DLG1: variants seen among roughly 807,000 people sequenced by gnomAD.
DLG1 encodes discs large MAGUK scaffold protein 1.
In DLG1, 42 loss-of-function variants were observed where a neutral mutation model predicts 123.4. The ratio of observed to expected loss-of-function variants is 0.34; its 90% CI spans 0.27 to 0.44. The LOEUF is 0.44. Ranked by LOEUF, DLG1 falls within the 20% of genes least tolerant of loss-of-function variation. The pLI, the probability that DLG1 is intolerant of heterozygous loss-of-function variation, is 1.00. For synonymous variants in DLG1, 317 were observed against 356.2 expected (o/e 0.89, Z 1.24); for missense variants, 942 against 1,082.6 (o/e 0.87, Z 1.82).
rs528218958 is a variant in DLG1, at chr3:197,274,026, T to C, written c.318+8653A>G. ...ACTAATATTGTTAAAATGTCCATAC[T>C]AACCAAAGCAATATACAGATTCAAT... On this transcript the variant is annotated intron_variant, in intron 4 of 24. Coordinates refer to ENST00000667157, the MANE Select transcript of DLG1 (RefSeq NM_001366207.1). 3.3e-5 allele frequency among the ~76,000 whole-genome samples: 5 copies of C among 152,216 alleles called. No individual in the cohort carries two copies. The South Asian group carries it at 1.0e-3, about 32-fold the overall frequency.
At chr3:197,140,374 A>G (rs1181693377) in intron 7 of DLG1, 110 bp from the exon 8 acceptor site, 2 of 1,096,670 alleles carry the variant, frequency 1.8e-6, no homozygotes, top group East Asian at 4.8e-5. Flanking sequence ...ACAACAAATA[A>G]AGGTATATGG....
At chr3:197,121,184 A>T (rs1776170572) in intron 11 of DLG1, among the ~76,000 whole-genome samples, 1 of 152,156 alleles carries the variant, frequency 6.6e-6, no homozygotes, top group Non-Finnish European at 1.5e-5. Flanking sequence ...TGGGGCAGTT[A>T]ATCTCACATG....
At chr3:197,172,948 A>G (rs1382179399) in intron 5 of DLG1, among the ~76,000 whole-genome samples, 2 of 152,156 alleles carry the variant, frequency 1.3e-5, no homozygotes, top group Non-Finnish European at 2.9e-5. Context: ...GAGGGCTCAT[A>G]TTTAAAATCC....
At chr3:197,235,372 A>T (rs2059428167) in intron 4 of DLG1, among the ~76,000 whole-genome samples, 1 of 152,254 alleles carries the variant, frequency 6.6e-6, no homozygotes, top group South Asian at 2.1e-4. Context: ...TTCAGTCTGA[A>T]TACTAATCAA....
intron 4 of DLG1, among the ~76,000 whole-genome samples, chr3:197,201,081 A>G (rs1335011212): frequency 6.6e-6 from 1 of 152,210 alleles, no homozygotes. Context: ...CTTTTATCTA[A>G]AAAACTCTAA....
chr3:197,165,227 T>C (rs911775539), intron 5 of DLG1, among the ~76,000 whole-genome samples: 2 of 152,178 alleles, frequency 1.3e-5, no homozygotes, highest in African/African-American at 4.8e-5. Context: ...GGGAGATCCA[T>C]TGTGAATATT....
At chr3:197,163,828 C>T (rs189671002) in intron 5 of DLG1, among the ~76,000 whole-genome samples, 198 of 151,398 alleles carry the variant, frequency 1.3e-3, no homozygotes, top group African/African-American at 4.3e-3. Context: ...TGAGCCACTG[C>T]ACCCAGCCCT....
chr3:197,118,045 T>C (rs756555583), intron 12 of DLG1, among the ~76,000 whole-genome samples: 16 of 152,068 alleles, frequency 1.1e-4, no homozygotes, highest in Non-Finnish European at 1.5e-4. Context: ...GAACTTATAA[T>C]GTTGGAAAGA....
At chr3:197,145,211 C>T (rs779120297) in intron 6 of DLG1, among the ~76,000 whole-genome samples, 6 of 152,146 alleles carry the variant, frequency 3.9e-5, no homozygotes, top group Admixed American at 1.3e-4. Flanking sequence ...TTTTTATTTG[C>T]AGCAATATCC....
chr3:197,061,477 GAA>G (rs1054651166), intron 22 of DLG1, among the ~76,000 whole-genome samples: 11 of 152,224 alleles, frequency 7.2e-5, no homozygotes, highest in Non-Finnish European at 1.5e-4. Flanking sequence ...TTCCTTATTG[GAA>G]AAGAGTAAAA....
intron 13 of DLG1, among the ~76,000 whole-genome samples, chr3:197,115,693 T>C (rs952626204): frequency 2.6e-5 from 4 of 152,110 alleles, no homozygotes; most frequent in African/African-American, 4.8e-5. Context: ...AGTCAATAAA[T>C]AGAGAACACA....
intron 14 of DLG1, among the ~76,000 whole-genome samples, chr3:197,102,354 T>G (rs1162217382): frequency 6.6e-6 from 1 of 152,198 alleles, no homozygotes; most frequent in East Asian, 1.9e-4. Flanking sequence ...GTCTGTCTTG[T>G]ATGTATATAT....
chr3:197,059,027 G>A (rs1428479713), intron 23 of DLG1, among the ~76,000 whole-genome samples: 1 of 152,170 alleles, frequency 6.6e-6, no homozygotes. Flanking sequence ...CTGGGTTCAC[G>A]CCATTCTCCT....
At chr3:197,137,073 A>T (rs1304013497) in intron 9 of DLG1, among the ~76,000 whole-genome samples, 2 of 152,250 alleles carry the variant, frequency 1.3e-5, no homozygotes, top group African/African-American at 4.8e-5. Flanking sequence ...CAGAACCAAC[A>T]GGCTTTAAAA....
intron 3 of DLG1, among the ~76,000 whole-genome samples, chr3:197,289,547 G>C (rs1043073279): frequency 1.3e-5 from 2 of 152,056 alleles, no homozygotes; most frequent in Non-Finnish European, 2.9e-5. Flanking sequence ...GAAAGCTGAA[G>C]AACACTGAAA....
chr3:197,062,801 C>A (rs115369806), intron 22 of DLG1, among the ~76,000 whole-genome samples: 1 of 152,136 alleles, frequency 6.6e-6, no homozygotes, highest in Non-Finnish European at 1.5e-5. Context: ...AATAAACATA[C>A]GTGTGTGTAT....
At chr3:197,247,965 T>G (rs1002780281) in intron 4 of DLG1, among the ~76,000 whole-genome samples, 4 of 152,096 alleles carry the variant, frequency 2.6e-5, no homozygotes, top group Non-Finnish European at 5.9e-5. Context: ...AGGTCCCTCT[T>G]AGCACTGGCA....
chr3:197,224,513 C>T (rs149744586), intron 4 of DLG1, among the ~76,000 whole-genome samples: 3 of 152,198 alleles, frequency 2.0e-5, no homozygotes, highest in East Asian at 1.9e-4. Flanking sequence ...AAAAATGTAG[C>T]CTTAGCTATT....
chr3:197,265,998 C>T (rs1388400908), intron 4 of DLG1, among the ~76,000 whole-genome samples: 6 of 152,144 alleles, frequency 3.9e-5, no homozygotes, highest in African/African-American at 1.2e-4. Flanking sequence ...TGCAGTGAGC[C>T]GAGATCATGC....
Sources: allele counts gnomAD v4.1 joint callset (sites outside exome capture counted in the v4.1 genomes callset), GRCh38; gene constraint gnomAD v4.1.1; transcripts MANE v1.5; gene names NCBI Gene and HGNC (gene_info 2026-07-23, HGNC 2026-07-21).